The following COMMD10 variants were observed in gnomAD, a reference collection of about 807,000 sequenced individuals.
COMMD10 encodes COMM domain-containing protein 10.
COMMD10 carries 33 observed loss-of-function variants against 28.9 expected under a neutral mutation model. The observed-to-expected ratio is 1.14, with a 90% confidence interval of 0.87 to 1.53. The LOEUF (loss-of-function observed/expected upper bound fraction) is 1.53. COMMD10 is among the 40% of genes most tolerant of loss of function. COMMD10 has a pLI of 0.00. For missense variants in COMMD10, 310 were observed against 233.4 expected (o/e 1.33, Z -2.14); for synonymous variants, 110 against 81.7 (o/e 1.35, Z -1.87).
intron 5 of COMMD10, among the ~76,000 whole-genome samples, chr5:116,189,574 T>G (rs978262415): frequency 6.6e-6 from 1 of 152,216 alleles, no homozygotes; most frequent in Non-Finnish European, 1.5e-5. Flanking sequence ...TTCCATTCTT[T>G]GTGACCAAGA....
intron 5 of COMMD10, among the ~76,000 whole-genome samples, chr5:116,163,458 C>T (rs547828743): frequency 5.7e-5 from 8 of 141,062 alleles, no homozygotes; most frequent in East Asian, 4.1e-4. Context: ...GGCTTGGTGG[C>T]GGATGCCTGT....
rs182661780 is a variant in COMMD10 at position 116,146,060 on chromosome 5, T to C, written c.510+11882T>C. ...ATTTTCCAGGATCACTCAGTGACTT[T>C]TAATTTGAGTCTTGAGATGTCTGTG... On this transcript the variant is annotated intron_variant, in intron 5 of 6. Coordinates refer to ENST00000274458, the MANE Select transcript of COMMD10 (RefSeq NM_016144.4). Among the ~76,000 whole-genome samples, 607 of 152,026 alleles carry C rather than the reference T, an allele frequency of 4.0e-3. 1 individual carries two copies. The highest frequency in any genetic ancestry group is 6.4e-3 in the Non-Finnish European group (434 of 67,884).
chr5:116,238,461 T>A (rs1749735125), intron 5 of COMMD10, among the ~76,000 whole-genome samples: 1 of 152,200 alleles, frequency 6.6e-6, no homozygotes, highest in Non-Finnish European at 1.5e-5. Context: ...CCCTAAATGT[T>A]ACATCTGTTA....
chr5:116,089,962 C>G (rs995281786), intron 2 of COMMD10, among the ~76,000 whole-genome samples: 6 of 152,162 alleles, frequency 3.9e-5, no homozygotes, highest in African/African-American at 1.2e-4. Context: ...TCGAGTTGGC[C>G]TTTACCTTGA....
chr5:116,265,688 C>G (rs890150227), intron 5 of COMMD10, among the ~76,000 whole-genome samples: 5 of 151,710 alleles, frequency 3.3e-5, no homozygotes, highest in African/African-American at 1.2e-4. Flanking sequence ...CAAACACTTG[C>G]AATAAGTCCT....
At chr5:116,125,891 C>T (rs988143386) in intron 4 of COMMD10, among the ~76,000 whole-genome samples, 29 of 152,114 alleles carry the variant, frequency 1.9e-4, no homozygotes, top group African/African-American at 6.5e-4. Flanking sequence ...CCTCTCTCAC[C>T]ACTCCTGTTC....
intron 5 of COMMD10, among the ~76,000 whole-genome samples, chr5:116,250,978 G>C (rs1580583153): frequency 1.3e-5 from 2 of 151,928 alleles, no homozygotes; most frequent in African/African-American, 4.8e-5. Context: ...GCTTGGGTTG[G>C]GGGGTGCAGT....
At chr5:116,290,289 T>C (rs1428055895) in intron 5 of COMMD10, among the ~76,000 whole-genome samples, 2 of 151,944 alleles carry the variant, frequency 1.3e-5, no homozygotes, top group African/African-American at 2.4e-5. Context: ...TTTTCTAATA[T>C]AGTATAAAAA....
chr5:116,209,353 C>G (rs1748900589), intron 5 of COMMD10, among the ~76,000 whole-genome samples: 1 of 152,162 alleles, frequency 6.6e-6, no homozygotes, highest in Admixed American at 6.5e-5. Flanking sequence ...TAACTGACCA[C>G]TAACAACATA....
At chr5:116,268,833 A>G (rs1016333061) in intron 5 of COMMD10, among the ~76,000 whole-genome samples, 1 of 151,734 alleles carries the variant, frequency 6.6e-6, no homozygotes, top group African/African-American at 2.4e-5. Context: ...CATTCTCAGG[A>G]AACTATTGCA....
At chr5:116,172,460 C>T (rs1753366920) in intron 5 of COMMD10, among the ~76,000 whole-genome samples, 1 of 152,114 alleles carries the variant, frequency 6.6e-6, no homozygotes, top group Non-Finnish European at 1.5e-5. Context: ...TTACCTTTGG[C>T]TTTTTGATTC....
intron 4 of COMMD10, among the ~76,000 whole-genome samples, chr5:116,122,424 C>T (rs917394154): frequency 2.0e-5 from 3 of 152,170 alleles, no homozygotes; most frequent in Non-Finnish European, 4.4e-5. Context: ...GTGATGCCTC[C>T]AGCTTTGTTC....
chr5:116,105,749 T>C (rs1478148307), intron 4 of COMMD10, among the ~76,000 whole-genome samples: 1 of 152,076 alleles, frequency 6.6e-6, no homozygotes, highest in East Asian at 1.9e-4. Flanking sequence ...TTTGCGTAGA[T>C]GTGTTTCTAG....
At chr5:116,129,959 T>A (rs991447329) in intron 4 of COMMD10, among the ~76,000 whole-genome samples, 2 of 151,238 alleles carry the variant, frequency 1.3e-5, no homozygotes, top group Non-Finnish European at 3.0e-5. Flanking sequence ...TGAAGCTGTG[T>A]GTGTGGGTGT....
chr5:116,090,351 C>G (rs765021899), intron 2 of COMMD10, among the ~76,000 whole-genome samples: 10 of 152,166 alleles, frequency 6.6e-5, no homozygotes, highest in Non-Finnish European at 1.5e-4. Flanking sequence ...CAGTCCTGCA[C>G]AAAGACTTGT....
rs77206841 is a variant in COMMD10 at position 116,181,391 on chromosome 5, G to C, written c.510+47213G>C. Among the ~76,000 whole-genome samples, 238 of 150,120 alleles carry C rather than the reference G, an allele frequency of 1.6e-3. 3 individuals are homozygous for C. Among genetic ancestry groups the C allele is most frequent in the African/African-American group, 5.6e-3 (228 of 40,584 alleles). ...TATATCTTCTATCTTCTGAAGTTGTGTGAAATAGTGATACAATACAAATTA... is the reference window on the plus strand; with the variant it reads ...TATATCTTCTATCTTCTGAAGTTGTCTGAAATAGTGATACAATACAAATTA... On this transcript the variant is annotated intron_variant, in intron 5 of 6. Transcript: ENST00000274458.
intron 5 of COMMD10, among the ~76,000 whole-genome samples, chr5:116,187,852 C>A (rs941392888): frequency 3.3e-5 from 5 of 151,300 alleles, no homozygotes; most frequent in African/African-American, 1.2e-4. Flanking sequence ...TTCTTTATAC[C>A]TTACACTTTA....
intron 5 of COMMD10, among the ~76,000 whole-genome samples, chr5:116,179,854 A>G (rs1483127716): frequency 6.6e-6 from 1 of 152,106 alleles, no homozygotes; most frequent in Non-Finnish European, 1.5e-5. Context: ...ATGAAGTAGA[A>G]AACTCAAATC....
chr5:116,123,074 T>A (rs1021704822), intron 4 of COMMD10, among the ~76,000 whole-genome samples: 14 of 152,320 alleles, frequency 9.2e-5, no homozygotes, highest in Admixed American at 5.9e-4. Context: ...AAGGGAATGC[T>A]TCTAGTTTTT....
Sources: allele counts gnomAD v4.1 joint callset (sites outside exome capture counted in the v4.1 genomes callset), GRCh38; gene constraint gnomAD v4.1.1; transcripts MANE v1.5; gene names NCBI Gene and HGNC (gene_info 2026-07-23, HGNC 2026-07-21).